APBA2: variants seen among roughly 807,000 people sequenced by gnomAD.
The protein encoded by APBA2 is amyloid-beta A4 precursor protein-binding family A member 2.
In APBA2, 30 loss-of-function variants were observed where a neutral mutation model predicts 75.0. The observed-to-expected ratio is 0.40, with a 90% CI of 0.30 to 0.54. The LOEUF is 0.54. APBA2 is among the 20% of genes least tolerant of loss of function. The pLI, the probability that APBA2 is intolerant of heterozygous loss-of-function variation, is 0.49. For missense variants in APBA2, 801 were observed against 1,016.1 expected, an observed-to-expected ratio of 0.79 and a Z score of 2.88; for synonymous variants, 444 against 409.6, an observed-to-expected ratio of 1.08 and a Z score of -1.01.
chr15:29,014,327 A>G (rs1031321167), intron 3 of APBA2, among the ~76,000 whole-genome samples: 3 of 152,210 alleles, frequency 2.0e-5, no homozygotes, highest in African/African-American at 7.2e-5. Context: ...CAGATTCTAT[A>G]TCGGAGAAAG....
At chr15:28,922,891 G>A (rs775960735) in intron 2 of APBA2, among the ~76,000 whole-genome samples, 2 of 152,182 alleles carry the variant, frequency 1.3e-5, no homozygotes, top group East Asian at 1.9e-4. Context: ...AGGAAGCCAC[G>A]GTCACTCCCC....
rs16955009 is a variant in APBA2, at chr15:29,054,403, C to A, written c.519C>A (p.Ser173=). ...GQLPIPEDEP[S]VLEAHDQEED... ...TGCCCATTCCGGAGGATGAGCCCTC[C>A]GTCCTTGAGGCCCATGACCAGGAAG... Residue 173 remains serine (S), a synonymous_variant, in exon 4 of 15, where the codon TCC becomes TCA. Coordinates refer to ENST00000683413, the MANE Select transcript of APBA2 (RefSeq NM_001353788.2). This position sits in a 1 kb window ranked among gnomAD's most constrained non-coding sequence, Gnocchi z 6.1. 15 of 1,613,984 alleles carry A rather than the reference C, an allele frequency of 9.3e-6. No homozygotes were observed. The highest frequency in any genetic ancestry group is 1.3e-5 in the Non-Finnish European group (15 of 1,180,032).
rs1484871277 is a variant in APBA2, at chr15:29,074,937, A to G, written c.968A>G (p.Glu323Gly). 1 of 1,613,988 alleles carries G rather than the reference A, an allele frequency of 6.2e-7. No individual in the cohort carries two copies. Among genetic ancestry groups the G allele is most frequent in the East Asian group, 2.2e-5 (1 of 44,882 alleles). ...CGTTTCCAGGTTTGCAATGGTCTGG[A>G]GCAGCCAAGGAAGCAGCAGCGCTCT... ...WPHEQVCNGL[E>G]QPRKQQRSDL... Residue 323 changes from glutamate (E) to glycine (G), a missense_variant, in exon 5 of 15, where the codon GAG becomes GGG. Physicochemically the swap from Glu to Gly is moderately conservative, Grantham distance 98 (BLOSUM62 -2). Coordinates refer to ENST00000683413, the MANE Select transcript of APBA2 (RefSeq NM_001353788.2).
At chr15:29,051,247 G>T (rs1370800023) in intron 3 of APBA2, among the ~76,000 whole-genome samples, 4 of 152,184 alleles carry the variant, frequency 2.6e-5, no homozygotes, top group South Asian at 4.1e-4. Context: ...CTTAGTGAGT[G>T]CTGGCCCCTT....
In APBA2 at chr15:29,054,643, G is replaced by T. The variant is rs769232102; in HGVS notation, c.759G>T (p.Gly253=). ...CCAGTGAGGCCAGCCCCGAGCATGG[G>T]CCTGAGCCAGGGCCTGAGGACTCTG... ...TSASEASPEH[G]PEPGPEDSVE... The change falls in exon 4 of 15, where the codon GGG becomes GGT. Residue 253 remains glycine, a synonymous_variant. Transcript: ENST00000683413. This position sits in a 1 kb window ranked among gnomAD's most constrained non-coding sequence, Gnocchi z 6.1. 13 of 1,614,148 alleles carry T rather than the reference G, an allele frequency of 8.1e-6. No individual in the cohort carries two copies. The South Asian group carries it at 1.1e-4, about 14-fold the overall frequency.
intron 14 of APBA2, 132 bp from the exon 15 acceptor site, chr15:29,116,930 C>T: frequency 2.0e-6 from 2 of 1,003,974 alleles, no homozygotes; most frequent in South Asian, 1.3e-5. Flanking sequence ...GCAGGCTGGC[C>T]TTCCTCCTTC....
At chr15:28,990,985 T>A (rs1468957949) in intron 2 of APBA2, among the ~76,000 whole-genome samples, 1 of 152,238 alleles carries the variant, frequency 6.6e-6, no homozygotes, top group Non-Finnish European at 1.5e-5. Context: ...AATGAGAGTC[T>A]TGAGGTTTGA....
intron 9 of APBA2, among the ~76,000 whole-genome samples, chr15:29,101,311 C>A (rs2044110476): frequency 6.6e-6 from 1 of 151,750 alleles, no homozygotes; most frequent in African/African-American, 2.4e-5. Flanking sequence ...CTCGATGCAA[C>A]CTCTGCCTTC....
At chr15:29,003,634 A>G (rs1456211254) in intron 3 of APBA2, among the ~76,000 whole-genome samples, 1 of 152,214 alleles carries the variant, frequency 6.6e-6, no homozygotes, top group East Asian at 1.9e-4. Flanking sequence ...AGGGATGGAT[A>G]TGAGGAGATA....
Position 28,963,876 on chromosome 15 carries a change from G to A in APBA2, c.-94-31877G>A, listed in dbSNP as rs140899347. Among the ~76,000 whole-genome samples, 365 of 152,260 alleles carry A rather than the reference G, an allele frequency of 2.4e-3. 1 individual carries two copies. Among genetic ancestry groups the A allele is most frequent in the African/African-American group, 8.5e-3 (354 of 41,548 alleles). On this transcript the variant is annotated intron_variant, in intron 2 of 14. Coordinates refer to ENST00000683413, the MANE Select transcript of APBA2 (RefSeq NM_001353788.2). ...GTCAACAGAAACTAGTCAGACTCCA[G>A]TAGTTATAATGTATGTATGTGTGTG...
intron 1 of APBA2, among the ~76,000 whole-genome samples, chr15:28,890,107 T>TCC (rs1402246415): frequency 3.9e-5 from 6 of 152,190 alleles, no homozygotes; most frequent in African/African-American, 1.4e-4. Context: ...TTTTCCCGCG[T>TCC]CCCAGAGCTG....
intron 3 of APBA2, among the ~76,000 whole-genome samples, chr15:29,035,628 G>C (rs530238440): frequency 1.1e-3 from 161 of 152,288 alleles, no homozygotes; most frequent in Non-Finnish European, 1.6e-3. Flanking sequence ...ATTGATTTCA[G>C]CAGGGAGACT....
At chr15:29,073,703 A>G (rs910277839) in intron 4 of APBA2, among the ~76,000 whole-genome samples, 3 of 152,078 alleles carry the variant, frequency 2.0e-5, no homozygotes, top group African/African-American at 7.2e-5. Context: ...TCATATTGTT[A>G]TTTCTCGATA....
At chr15:29,110,952 C>T (rs912343249) in intron 13 of APBA2, among the ~76,000 whole-genome samples, 2 of 152,052 alleles carry the variant, frequency 1.3e-5, no homozygotes, top group African/African-American at 4.8e-5. Context: ...TCTGGAGTAG[C>T]TCCCAAAGAT....
chr15:29,105,672 A>G lies in APBA2; in HGVS notation c.1704+114A>G, dbSNP rs141872446. ...ACGCACACCCTTGCCTTCCTATCAG[A>G]CTCCAGTGGGGCCCGGAATGTGCAC... On this transcript the variant is annotated intron_variant, in intron 11 of 14. Transcript: ENST00000683413. The G allele has an allele frequency of 4.3e-3, 5,110 of 1,176,234 alleles. 92 individuals carry two copies. The African/African-American group carries it at 0.053, about 12-fold the overall frequency. 72.9% of individuals were successfully genotyped at this position (1,176,234 alleles called of 1,614,324 possible).
In APBA2 at chr15:29,023,441, C is replaced by CTTTTT. The variant is rs10604525; in HGVS notation, c.-41+27663_-41+27667dup. Among the ~76,000 whole-genome samples the CTTTTT allele has an allele frequency of 8.0e-4, 59 of 73,304 alleles. 2 individuals are homozygous for CTTTTT. Among genetic ancestry groups the CTTTTT allele is most frequent in the Non-Finnish European group, 1.0e-3 (42 of 41,372 alleles). The allele number at this position is 73,304 out of a possible 152,430, so 48.1% of individuals were successfully genotyped here. On this transcript the variant is annotated intron_variant, in intron 3 of 14. Transcript: ENST00000683413. ...ATTTGATGGCCATTATACCTTTTTC[C>CTTTTT]TTTTTTTTTTTTTTTTTTTTTTTTT...
intron 2 of APBA2, among the ~76,000 whole-genome samples, chr15:28,949,764 C>G (rs941469681): frequency 1.3e-5 from 2 of 152,138 alleles, no homozygotes; most frequent in Admixed American, 6.5e-5. Flanking sequence ...TTACCACACC[C>G]GGCCTCTTGT....
chr15:29,084,653 G>A (rs573669464), intron 6 of APBA2, among the ~76,000 whole-genome samples: 2 of 152,164 alleles, frequency 1.3e-5, no homozygotes, highest in African/African-American at 2.4e-5. Flanking sequence ...TTTACAGGGC[G>A]CTGTTTGAAT....
rs1253874300 is a variant in APBA2, at chr15:28,929,570, G to T, written c.-95+7821G>T. ...GCCCAGGCTTCCCTGGGGCAACAGC[G>T]TTGGCCCAGGCGACACACAAGAAGA... On this transcript the variant is annotated intron_variant, in intron 2 of 14. Coordinates refer to ENST00000683413, the MANE Select transcript of APBA2 (RefSeq NM_001353788.2). Among the ~76,000 whole-genome samples, 3 of 152,282 alleles carry T rather than the reference G, an allele frequency of 2.0e-5. No homozygotes were observed. In the South Asian group the frequency reaches 6.2e-4, roughly 32 times the overall value.
Sources: allele counts gnomAD v4.1 joint callset (sites outside exome capture counted in the v4.1 genomes callset), GRCh38; gene constraint gnomAD v4.1.1; non-coding constraint Gnocchi (gnomAD v3.1); transcripts MANE v1.5; gene names NCBI Gene and HGNC (gene_info 2026-07-23, HGNC 2026-07-21).